The following KRIT1 variants were observed in gnomAD, a reference collection of about 807,000 sequenced individuals.
KRIT1 encodes KRIT1 ankyrin repeat containing.
A neutral mutation model predicts 95.8 loss-of-function variants in KRIT1; 45 were observed. The observed-to-expected ratio is 0.47, with a 90% CI of 0.37 to 0.60. KRIT1 has a LOEUF of 0.60. Ranked by LOEUF, KRIT1 falls within the 20% of genes least tolerant of loss-of-function variation. The pLI is 0.00. For synonymous variants in KRIT1, 282 were observed against 278.8 expected (o/e 1.01, Z -0.11); for missense variants, 788 against 877.5 (o/e 0.90, Z 1.29).
intron 17 of KRIT1, 79 bp downstream of exon 17, chr7:92,213,116 T>C: frequency 1.0e-6 from 1 of 962,486 alleles, no homozygotes; most frequent in South Asian, 1.3e-5. Context: ...ATATGCCATT[T>C]CTAAATTCTT....
At chr7:92,229,317 C>T (rs1341329590) in intron 10 of KRIT1, among the ~76,000 whole-genome samples, 1 of 152,112 alleles carries the variant, frequency 6.6e-6, no homozygotes, top group Non-Finnish European at 1.5e-5. Flanking sequence ...AACTAAACAG[C>T]TGCTCTGCAC....
Position 92,220,688 on chromosome 7 carries a change from CTTTTTTTTTTT to C in KRIT1, c.1563+1203_1563+1213del, listed in dbSNP as rs960417752. On this transcript the variant is annotated intron_variant, in intron 14 of 18. Transcript: ENST00000394505. ...ATCTCTCCCTTGTCCATTCATCCTTCTTTTTTTTTTTTTTTTTTTTTTTTGAGATGGAATCT... is the reference window on the plus strand; with the variant it reads ...ATCTCTCCCTTGTCCATTCATCCTTCTTTTTTTTTTTTTGAGATGGAATCT... 7.1e-5 allele frequency among the ~76,000 whole-genome samples: 7 copies of C among 98,960 alleles called. No homozygotes were observed. In the East Asian group the frequency reaches 9.3e-4, roughly 13 times the overall value. 64.9% of individuals were successfully genotyped at this position (98,960 alleles called of 152,430 possible). A position where few individuals can be genotyped will look rare whatever the true frequency, so the allele number is the denominator to read the frequency against.
chr7:92,225,687 A>G, intron 12 of KRIT1, 33 bp downstream of exon 12: 1 of 1,111,540 alleles, frequency 9.0e-7, no homozygotes, highest in Non-Finnish European at 1.4e-6. Flanking sequence ...TTTAAATACT[A>G]TGCCTGGCTC....
Position 92,242,123 on chromosome 7 carries a change from C to G in KRIT1, c.13G>C (p.Glu5Gln), listed in dbSNP as rs374117797. The change falls in exon 4 of 19, where the codon GAA becomes CAA. Residue 5 changes from glutamate (E) to glutamine (Q), a missense_variant. Glu to Gln is a conservative substitution (Grantham distance 29, BLOSUM62 2). Around this residue, in one of 3 missense-constraint regions of KRIT1, gnomAD observed 289 missense variants for 277.5 expected, o/e 1.04. Coordinates refer to ENST00000394505, the MANE Select transcript of KRIT1 (RefSeq NM_194454.3). MGNP[E>Q]NIEDAYVAVI... is the part of the protein sequence containing the mutation. ...GCAACATATGCATCTTCTATGTTTTCTGGATTTCCCATTGCTTTACAAAAC... is the reference window on the plus strand; with the variant it reads ...GCAACATATGCATCTTCTATGTTTTGTGGATTTCCCATTGCTTTACAAAAC... 1 of 1,582,848 alleles carries G rather than the reference C, an allele frequency of 6.3e-7. No homozygotes were observed. Among genetic ancestry groups the G allele is most frequent in the Non-Finnish European group, 8.7e-7 (1 of 1,152,022 alleles).
At chr7:92,234,318 A>G in intron 10 of KRIT1, 131 bp downstream of exon 10, 32 of 752,688 alleles carry the variant, frequency 4.3e-5, no homozygotes. Flanking sequence ...CTAAGATCAA[A>G]ACAGAAAACT....
intron 17 of KRIT1, among the ~76,000 whole-genome samples, chr7:92,204,264 G>GA (rs763023957): frequency 6.2e-4 from 83 of 134,628 alleles, no homozygotes; most frequent in Admixed American, 1.4e-3. Context: ...GTGTCCCAAG[G>GA]AAAAAAAAAA....
At chr7:92,211,547 C>T (rs1325619784) in intron 17 of KRIT1, among the ~76,000 whole-genome samples, 2 of 152,010 alleles carry the variant, frequency 1.3e-5, no homozygotes, top group South Asian at 2.1e-4. Flanking sequence ...GGTCAGTTAA[C>T]GGGTACAAAC....
chr7:92,231,832 C>A (rs1797362523), intron 10 of KRIT1, among the ~76,000 whole-genome samples: 1 of 152,104 alleles, frequency 6.6e-6, no homozygotes, highest in Non-Finnish European at 1.5e-5. Flanking sequence ...AACTCTTTTC[C>A]TTGGCATACT....
In KRIT1 at chr7:92,200,375, G is replaced by A; in HGVS notation, c.*361C>T. On this transcript the variant is annotated 3_prime_UTR_variant, in exon 19 of 19. Transcript: ENST00000394505. ...GAAAGTAATTTTTTTTTTTTTTTGA[G>A]ATGGAGTCTTGCTGTGTCACCCAGG... 9.8e-6 allele frequency: 2 copies of A among 203,866 alleles called. No individual in the cohort carries two copies. The highest frequency in any genetic ancestry group is 1.9e-5 in the Non-Finnish European group (2 of 102,618). The allele number at this position is 203,866 out of a possible 1,614,324, so 12.6% of individuals were successfully genotyped here.
At chr7:92,205,313 T>G (rs1791214506) in intron 17 of KRIT1, among the ~76,000 whole-genome samples, 1 of 151,434 alleles carries the variant, frequency 6.6e-6, no homozygotes, top group Non-Finnish European at 1.5e-5. Flanking sequence ...GCCATTGCAC[T>G]GCAGCCTGGG....
chr7:92,224,045 T>A (rs1210143147), intron 12 of KRIT1, among the ~76,000 whole-genome samples: 3 of 152,222 alleles, frequency 2.0e-5, no homozygotes, highest in Non-Finnish European at 4.4e-5. Flanking sequence ...TTTCCTTGAC[T>A]CTGTCTTATG....
In KRIT1 at chr7:92,234,896, A is replaced by G; in HGVS notation, c.757T>C (p.Phe253Leu). The G allele has an allele frequency of 6.3e-7, 1 of 1,586,650 alleles. No homozygotes were observed. Among genetic ancestry groups the G allele is most frequent in the Non-Finnish European group, 8.7e-7 (1 of 1,155,054 alleles). ...RVDKVVINPYFGLGAPDYSKI... is the reference protein window; with the variant it reads ...RVDKVVINPYLGLGAPDYSKI... ...GAGTAGTCTGGAGCTCCTAGACCAAAGTATGGATTTATTACCACTTTATCT... is the reference window on the plus strand; with the variant it reads ...GAGTAGTCTGGAGCTCCTAGACCAAGGTATGGATTTATTACCACTTTATCT... The change falls in exon 9 of 19, where the codon TTT becomes CTT. Residue 253 changes from phenylalanine to leucine, a missense_variant. Phe to Leu is a conservative substitution (Grantham distance 22, BLOSUM62 0). This residue lies in a region of KRIT1 where 493 missense variants were observed against 582.3 expected (regional missense o/e 0.85). Coordinates refer to ENST00000394505, the MANE Select transcript of KRIT1 (RefSeq NM_194454.3).
chr7:92,219,629 G>A (rs960579295), intron 14 of KRIT1, among the ~76,000 whole-genome samples: 1 of 152,136 alleles, frequency 6.6e-6, no homozygotes, highest in African/African-American at 2.4e-5. Context: ...GAGTCCCCTT[G>A]CAATTCTTGT....
chr7:92,242,310 C>G, intron 3 of KRIT1, 173 bp from the exon 4 acceptor site: 1 of 592,974 alleles, frequency 1.7e-6, no homozygotes, highest in Non-Finnish European at 3.0e-6. Context: ...GCCTAAAAGG[C>G]AAGCCAGGAA....
intron 8 of KRIT1, 89 bp downstream of exon 8, chr7:92,235,314 T>G: frequency 1.5e-6 from 2 of 1,293,518 alleles, no homozygotes; most frequent in African/African-American, 2.9e-5. Flanking sequence ...TGTTTATAAT[T>G]AGTAATAGAT....
chr7:92,234,561 G>A lies in KRIT1; in HGVS notation c.877C>T (p.His293Tyr). The change falls in exon 10 of 19, where the codon CAC becomes TAC. Residue 293 changes from histidine (H) to tyrosine (Y), a missense_variant. Physicochemically the swap from His to Tyr is moderately conservative, Grantham distance 83. Around this residue, in one of 3 missense-constraint regions of KRIT1, gnomAD observed 493 missense variants for 582.3 expected, o/e 0.85. Coordinates refer to ENST00000394505, the MANE Select transcript of KRIT1 (RefSeq NM_194454.3). ...ERQWVDDFPL[H>Y]RSACEGDSEL... Reference sequence around the variant, plus strand: ...GAATCTCCTTCACAGGCGCTTCGGTGGAGAGGAAAATCATCTACCCACTGT... The same window carrying A: ...GAATCTCCTTCACAGGCGCTTCGGTAGAGAGGAAAATCATCTACCCACTGT... The A allele has an allele frequency of 3.7e-6, 6 of 1,613,070 alleles. No individual in the cohort carries two copies. Among genetic ancestry groups the A allele is most frequent in the Non-Finnish European group, 5.1e-6 (6 of 1,179,104 alleles).
rs2131664007 is a variant in KRIT1, at chr7:92,235,640, T to A, written c.492A>T (p.Leu164Phe). The A allele has an allele frequency of 1.2e-6, 2 of 1,613,782 alleles. No homozygotes were observed. The highest frequency in any genetic ancestry group is 2.2e-5 in the South Asian group (2 of 91,010). Residue 164 changes from leucine to phenylalanine, a missense_variant, in exon 8 of 19, where the codon TTA becomes TTT. Physicochemically the swap from Leu to Phe is conservative, Grantham distance 22. This residue lies in a region of KRIT1 where 289 missense variants were observed against 277.5 expected (regional missense o/e 1.04). Coordinates refer to ENST00000394505, the MANE Select transcript of KRIT1 (RefSeq NM_194454.3). The stretch of plus-strand genomic sequence containing the variant: ...AGTGAGATTGTGCATGACGTTCATC[T>A]AACCACCTGGCAAAATAAAAAAACA... ...ARMLIALDKW[L>F]DERHAQSHFI... is the part of the protein sequence containing the mutation.
At chr7:92,227,504 T>C (rs1463410530) in intron 10 of KRIT1, among the ~76,000 whole-genome samples, 1 of 152,154 alleles carries the variant, frequency 6.6e-6, no homozygotes, top group Non-Finnish European at 1.5e-5. Flanking sequence ...TAGATGGTCC[T>C]GTAAAGTGCT....
At chr7:92,243,587 G>A (rs1006451298) in intron 3 of KRIT1, among the ~76,000 whole-genome samples, 1 of 152,002 alleles carries the variant, frequency 6.6e-6, no homozygotes, top group African/African-American at 2.4e-5. Flanking sequence ...TTCTTCCACT[G>A]CAACTGAAAA....
Sources: allele counts gnomAD v4.1 joint callset (sites outside exome capture counted in the v4.1 genomes callset), GRCh38; gene constraint gnomAD v4.1.1; regional missense constraint gnomAD v4.1.1; transcripts MANE v1.5; gene names NCBI Gene and HGNC (gene_info 2026-07-23, HGNC 2026-07-21).